Variants in MAP1LC3B observed in about 807,000 individuals in gnomAD.
MAP1LC3B encodes microtubule associated protein 1 light chain 3 beta, also known as microtubule-associated protein 1 light chain 3 beta.
A neutral mutation model predicts 16.7 loss-of-function variants in MAP1LC3B; 12 were observed. The observed-to-expected ratio is 0.72, with a 90% CI of 0.46 to 1.16. MAP1LC3B has a LOEUF of 1.16. MAP1LC3B is among the 50% of genes most tolerant of loss of function. The probability of loss-of-function intolerance (pLI) is 0.00; values close to 1 mark genes in which losing one functional copy is unlikely to be tolerated. For synonymous variants in MAP1LC3B, 63 were observed against 56.5 expected, an observed-to-expected ratio of 1.11 and a Z score of -0.51; for missense variants, 155 against 159.5, an observed-to-expected ratio of 0.97 and a Z score of 0.15.
At chr16:87,395,378 T>C (rs1444686104) in intron 1 of MAP1LC3B, among the ~76,000 whole-genome samples, 1 of 152,202 alleles carries the variant, frequency 6.6e-6, no homozygotes, top group Non-Finnish European at 1.5e-5. Flanking sequence ...GGGACACAGA[T>C]TGGACTGGAG....
chr16:87,403,038 G>A lies in MAP1LC3B; in HGVS notation c.319G>A (p.Gly107Arg). 1 of 1,614,152 alleles carries A rather than the reference G, an allele frequency of 6.2e-7. No homozygotes were observed. The highest frequency in any genetic ancestry group is 8.5e-7 in the Non-Finnish European group (1 of 1,180,022). Residue 107 changes from glycine to arginine, a missense_variant, in exon 4 of 4, where the codon GGA (glycine) becomes AGA (arginine). Transcript: ENST00000268607. ...EVYESEKDED[G>R]FLYMVYASQE... ...GTATGAGAGTGAGAAAGATGAAGAT[G>A]GATTCCTGTACATGGTCTATGCCTC...
chr16:87,400,212 C>G (rs1379523859), intron 2 of MAP1LC3B: 3 of 138,310 alleles, frequency 2.2e-5, no homozygotes, highest in African/African-American at 5.4e-5. Flanking sequence ...CAGTCTCGCT[C>G]TGTCACCCAG....
At chr16:87,402,722 G>T in intron 3 of MAP1LC3B, 1 of 667,804 alleles carries the variant, frequency 1.5e-6, no homozygotes, top group South Asian at 2.0e-5. Context: ...TTTAAAATCA[G>T]CCTAATATGT....
intron 2 of MAP1LC3B, among the ~76,000 whole-genome samples, chr16:87,400,614 C>T (rs1907957910): frequency 6.6e-6 from 1 of 152,014 alleles, no homozygotes; most frequent in South Asian, 2.1e-4. Context: ...ATAATTTTTT[C>T]ATGTCAACTA....
At position 87,403,221 on chromosome 16, in the gene MAP1LC3B, C is replaced by T; in HGVS notation, c.*124C>T. ...GATCATGAAACAGTAGTGTTCCCAC[C>T]TAGGAGTGTTAGGAAGTTGTGTTTG... On this transcript the variant is annotated 3_prime_UTR_variant, in exon 4 of 4. Coordinates refer to ENST00000268607, the MANE Select transcript of MAP1LC3B (RefSeq NM_022818.5). The T allele has an allele frequency of 2.5e-6, 3 of 1,219,238 alleles. No homozygotes were observed. The highest frequency in any genetic ancestry group is 3.4e-6 in the Non-Finnish European group (3 of 882,604). 75.5% of individuals were successfully genotyped at this position (1,219,238 alleles called of 1,614,324 possible). A position where few individuals can be genotyped will look rare whatever the true frequency, so the allele number is the denominator to read the frequency against.
rs767868511 is a variant in MAP1LC3B, at chr16:87,398,791, T to C, written c.41-24T>C. On this transcript the variant is annotated intron_variant, in intron 1 of 3. Transcript: ENST00000268607. ...GAAGCTGCCTGGCCCTTAGTAATGC[T>C]TCTGTCTCTTCATTTCATTGCAGAA... is the stretch of plus-strand genomic sequence containing the variant. 4 of 1,613,038 alleles carry C rather than the reference T, an allele frequency of 2.5e-6. No individual in the cohort carries two copies. The African/African-American group carries it at 5.3e-5, about 22-fold the overall frequency.
intron 1 of MAP1LC3B, 57 bp downstream of exon 1, chr16:87,392,524 G>A: frequency 8.0e-7 from 1 of 1,253,044 alleles, no homozygotes; most frequent in Non-Finnish European, 1.0e-6. Context: ...AGCTGTGGAG[G>A]GCGGCAGGGC....
intron 1 of MAP1LC3B, chr16:87,396,708 A>C (rs921040629): frequency 6.6e-6 from 1 of 152,216 alleles, no homozygotes; most frequent in Admixed American, 6.5e-5. Context: ...TCTCATACTT[A>C]GGAGAGGTGA....
intron 1 of MAP1LC3B, among the ~76,000 whole-genome samples, chr16:87,395,304 C>T (rs1380435056): frequency 6.6e-6 from 1 of 152,150 alleles, no homozygotes; most frequent in Non-Finnish European, 1.5e-5. Context: ...GTGTTCATTT[C>T]TGTTTTACAG....
At chr16:87,393,634 T>TA (rs1187859684) in intron 1 of MAP1LC3B, among the ~76,000 whole-genome samples, 1 of 152,220 alleles carries the variant, frequency 6.6e-6, no homozygotes, top group Non-Finnish European at 1.5e-5. Context: ...TAGCAAGACT[T>TA]ACACGTGCCT....
At chr16:87,402,590 G>T (rs1908033183) in intron 3 of MAP1LC3B, 2 of 535,732 alleles carry the variant, frequency 3.7e-6, no homozygotes, top group Non-Finnish European at 6.5e-6. Flanking sequence ...TAGTTAAAGA[G>T]AATGTAGACT....
intron 1 of MAP1LC3B, 126 bp downstream of exon 1, chr16:87,392,593 C>A (rs1296668438): frequency 1.1e-6 from 1 of 944,580 alleles, no homozygotes; most frequent in Non-Finnish European, 1.3e-6. Context: ...CGGTGGCTGC[C>A]GGCCGGCGGG....
intron 1 of MAP1LC3B, among the ~76,000 whole-genome samples, chr16:87,396,132 TTTACGA>T (rs1032117157): frequency 5.3e-5 from 8 of 150,524 alleles, no homozygotes; most frequent in Admixed American, 5.3e-4. Context: ...AAGTGCTGGG[TTTACGA>T]GCGTGAGCCA....
rs939737752 is a variant in MAP1LC3B, at chr16:87,404,661, AAAT to A, written c.*1567_*1569del. 1.3e-5 allele frequency: 2 copies of A among 152,188 alleles called. No homozygotes were observed. The highest frequency in any genetic ancestry group is 2.1e-4 in the South Asian group (1 of 4,826). 9.4% of individuals were successfully genotyped at this position (152,188 alleles called of 1,614,324 possible). ...AAGAAATACTGCTTTTTAAGAAAAA[AAAT>A]AACATGCTGAGGGGTGACCTATATC... On this transcript the variant is annotated 3_prime_UTR_variant, in exon 4 of 4. Coordinates refer to ENST00000268607, the MANE Select transcript of MAP1LC3B (RefSeq NM_022818.5).
intron 2 of MAP1LC3B, among the ~76,000 whole-genome samples, chr16:87,400,917 G>A (rs536732164): frequency 1.3e-5 from 2 of 152,022 alleles, no homozygotes; most frequent in South Asian, 2.1e-4. Flanking sequence ...GGTGGATCAC[G>A]AAGTCAGGGG....
At chr16:87,395,710 TTTA>T (rs552438364) in intron 1 of MAP1LC3B, among the ~76,000 whole-genome samples, 77 of 152,288 alleles carry the variant, frequency 5.1e-4, no homozygotes, top group Middle Eastern at 3.4e-3. Context: ...TAACTTGTCT[TTTA>T]TATACTTCCC....
chr16:87,392,847 G>T (rs754489888), intron 1 of MAP1LC3B: 68 of 152,208 alleles, frequency 4.5e-4, no homozygotes, highest in Non-Finnish European at 8.8e-4. Context: ...GCGCGCTGCG[G>T]GCGAGGGTCG....
intron 2 of MAP1LC3B, among the ~76,000 whole-genome samples, chr16:87,401,479 G>A (rs897316614): frequency 1.3e-5 from 2 of 152,176 alleles, no homozygotes; most frequent in African/African-American, 4.8e-5. Flanking sequence ...AGCCCATTTT[G>A]GCATGTGCCA....
intron 1 of MAP1LC3B, among the ~76,000 whole-genome samples, chr16:87,396,550 G>A (rs994704368): frequency 1.3e-5 from 2 of 152,008 alleles, no homozygotes; most frequent in Admixed American, 6.5e-5. Context: ...GCTTTTAAAT[G>A]TGAAACATTC....
Sources: allele counts gnomAD v4.1 joint callset (sites outside exome capture counted in the v4.1 genomes callset), GRCh38; gene constraint gnomAD v4.1.1; transcripts MANE v1.5; gene names NCBI Gene and HGNC (gene_info 2026-07-23, HGNC 2026-07-21).